The following HS6ST3 variants were observed in gnomAD, a reference collection of about 807,000 sequenced individuals.
HS6ST3 encodes the protein heparan sulfate 6-O-sulfotransferase 3, also known as heparan-sulfate 6-O-sulfotransferase 3.
A neutral mutation model predicts 36.7 loss-of-function variants in HS6ST3; 12 were observed. The ratio of observed to expected loss-of-function variants is 0.33; its 90% CI spans 0.21 to 0.53. HS6ST3 has a LOEUF of 0.53. HS6ST3 is among the 20% of genes least tolerant of loss of function. The pLI is 0.95. For missense variants in HS6ST3, 584 were observed against 640.9 expected (o/e 0.91, Z 0.96); for synonymous variants, 240 against 257.5 (o/e 0.93, Z 0.65).
At chr13:96,207,711 A>G (rs1379085880) in intron 1 of HS6ST3, among the ~76,000 whole-genome samples, 1 of 152,236 alleles carries the variant, frequency 6.6e-6, no homozygotes, top group Non-Finnish European at 1.5e-5. Flanking sequence ...CATTATCTTC[A>G]GCAAACTAAT....
intron 1 of HS6ST3, among the ~76,000 whole-genome samples, chr13:96,744,794 C>T (rs1417302084): frequency 6.6e-6 from 1 of 152,076 alleles, no homozygotes; most frequent in Non-Finnish European, 1.5e-5. Context: ...AAAATCAAAT[C>T]TATCGCTTGT....
At chr13:96,423,734 T>C (rs1274142939) in intron 1 of HS6ST3, among the ~76,000 whole-genome samples, 1 of 152,032 alleles carries the variant, frequency 6.6e-6, no homozygotes, top group Admixed American at 6.6e-5. Context: ...ATTTCTGTCT[T>C]ATTCTCCCTG....
intron 1 of HS6ST3, among the ~76,000 whole-genome samples, chr13:96,789,173 T>C (rs931646366): frequency 5.9e-5 from 9 of 151,886 alleles, no homozygotes; most frequent in Non-Finnish European, 8.8e-5. Context: ...TTTAAATATT[T>C]CTCTTTGTAT....
chr13:96,718,011 C>T (rs913369395), intron 1 of HS6ST3, among the ~76,000 whole-genome samples: 3 of 152,180 alleles, frequency 2.0e-5, no homozygotes, highest in African/African-American at 7.2e-5. Context: ...TTACCCCAGT[C>T]TCCCTGTCTT....
chr13:96,296,711 G>A (rs1034326379), intron 1 of HS6ST3, among the ~76,000 whole-genome samples: 1 of 152,022 alleles, frequency 6.6e-6, no homozygotes, highest in African/African-American at 2.4e-5. Flanking sequence ...TTGAATGAAT[G>A]GGTTCAGGCA....
At chr13:96,332,513 G>A (rs1173852429) in intron 1 of HS6ST3, among the ~76,000 whole-genome samples, 1 of 152,168 alleles carries the variant, frequency 6.6e-6, no homozygotes, top group African/African-American at 2.4e-5. Flanking sequence ...TTCTGAGAAT[G>A]TAGTCTGTGT....
chr13:96,184,384 C>T (rs1485458844), intron 1 of HS6ST3, among the ~76,000 whole-genome samples: 2 of 152,092 alleles, frequency 1.3e-5, no homozygotes, highest in African/African-American at 2.4e-5. Context: ...CTAATTATTA[C>T]TTACAAAACA....
At chr13:96,498,146 G>C (rs1190810655) in intron 1 of HS6ST3, among the ~76,000 whole-genome samples, 1 of 152,192 alleles carries the variant, frequency 6.6e-6, no homozygotes, top group Non-Finnish European at 1.5e-5. Context: ...CCACAGAACA[G>C]ACAATGGTTT....
At chr13:96,244,283 C>T (rs2054574703) in intron 1 of HS6ST3, among the ~76,000 whole-genome samples, 1 of 152,014 alleles carries the variant, frequency 6.6e-6, no homozygotes, top group East Asian at 1.9e-4. Context: ...CACAGGTGTA[C>T]TGAATAGGAA....
intron 1 of HS6ST3, among the ~76,000 whole-genome samples, chr13:96,392,991 G>A (rs1295672736): frequency 6.6e-6 from 1 of 152,158 alleles, no homozygotes; most frequent in African/African-American, 2.4e-5. Flanking sequence ...GGGACCTGGT[G>A]GGAGATGATT....
intron 1 of HS6ST3, among the ~76,000 whole-genome samples, chr13:96,522,513 C>CT (rs1338816690): frequency 6.6e-6 from 1 of 152,130 alleles, no homozygotes. Flanking sequence ...TAAGAACTTG[C>CT]TTTATGAATC....
At chr13:96,097,651 A>G (rs2053797956) in intron 1 of HS6ST3, among the ~76,000 whole-genome samples, 1 of 152,260 alleles carries the variant, frequency 6.6e-6, no homozygotes, top group Non-Finnish European at 1.5e-5. Context: ...GATATCATTT[A>G]TAAATTCCCT....
At chr13:96,493,422 A>C (rs1222004197) in intron 1 of HS6ST3, among the ~76,000 whole-genome samples, 3 of 152,140 alleles carry the variant, frequency 2.0e-5, no homozygotes, top group Non-Finnish European at 4.4e-5. Context: ...AATGATGATC[A>C]TTTAGGTTTT....
At chr13:96,797,035 G>GA (rs1877930258) in intron 1 of HS6ST3, among the ~76,000 whole-genome samples, 1 of 151,986 alleles carries the variant, frequency 6.6e-6, no homozygotes, top group Non-Finnish European at 1.5e-5. Flanking sequence ...CCTCATGTTC[G>GA]AAAAAATCCA....
intron 1 of HS6ST3, among the ~76,000 whole-genome samples, chr13:96,511,170 T>C (rs2056048402): frequency 6.6e-6 from 1 of 152,180 alleles, no homozygotes; most frequent in African/African-American, 2.4e-5. Context: ...TGTTCATGGA[T>C]ACCTGGATTG....
intron 1 of HS6ST3, among the ~76,000 whole-genome samples, chr13:96,743,320 A>C (rs1876487260): frequency 6.6e-6 from 1 of 152,080 alleles, no homozygotes; most frequent in Admixed American, 6.6e-5. Flanking sequence ...GAGGGGTCCA[A>C]ATTTGTGCTA....
In HS6ST3 at chr13:96,730,293, A is replaced by AT. The variant is rs1055096194; in HGVS notation, c.708-102188dup. 1.1e-3 allele frequency among the ~76,000 whole-genome samples: 165 copies of AT among 151,286 alleles called. 1 individual carries two copies. In the East Asian group the frequency reaches 0.018, roughly 17 times the overall value. ...GCCCTTCATTATAGGTTTTTTTTAA[A>AT]TTTTTTTTTGCCAGCCACTTTTAAA... is the stretch of plus-strand genomic sequence containing the variant. On this transcript the variant is annotated intron_variant, in intron 1 of 1. Coordinates refer to ENST00000376705, the MANE Select transcript of HS6ST3 (RefSeq NM_153456.4).
At chr13:96,379,297 G>A (rs1340035733) in intron 1 of HS6ST3, among the ~76,000 whole-genome samples, 3 of 152,158 alleles carry the variant, frequency 2.0e-5, no homozygotes, top group African/African-American at 7.2e-5. Context: ...TCAGAGGTGG[G>A]GCCTTTGGGA....
At chr13:96,187,715 C>T (rs959295209) in intron 1 of HS6ST3, among the ~76,000 whole-genome samples, 6 of 152,128 alleles carry the variant, frequency 3.9e-5, no homozygotes, top group South Asian at 4.1e-4. Context: ...GTCATGGACT[C>T]GACACGAGGA....
Sources: allele counts gnomAD v4.1 joint callset (sites outside exome capture counted in the v4.1 genomes callset), GRCh38; gene constraint gnomAD v4.1.1; transcripts MANE v1.5; gene names NCBI Gene and HGNC (gene_info 2026-07-23, HGNC 2026-07-21).